The following SNTG1 variants were observed in gnomAD, a reference collection of about 807,000 sequenced individuals.
SNTG1 encodes syntrophin gamma 1.
In SNTG1, 39 loss-of-function variants were observed where a neutral mutation model predicts 74.7. The ratio of observed to expected loss-of-function variants is 0.52; its 90% CI spans 0.40 to 0.68. SNTG1 has a LOEUF of 0.68. Ranked by LOEUF, SNTG1 falls within the 30% of genes least tolerant of loss-of-function variation. The pLI is 0.00. For synonymous variants in SNTG1, 254 were observed against 217.1 expected, an observed-to-expected ratio of 1.17 and a Z score of -1.49; for missense variants, 685 against 609.5, an observed-to-expected ratio of 1.12 and a Z score of -1.30.
Position 50,148,102 on chromosome 8 carries a change from G to A in SNTG1, c.-102-24459G>A, listed in dbSNP as rs370915068. On this transcript the variant is annotated intron_variant, in intron 1 of 18. Coordinates refer to ENST00000642720, the MANE Select transcript of SNTG1 (RefSeq NM_018967.5). Reference sequence around the variant, plus strand: ...TGAGCAAAAATATGCGTAACATAGCGTGTGTGTGTATACATAGATATATAT... The same window carrying A: ...TGAGCAAAAATATGCGTAACATAGCATGTGTGTGTATACATAGATATATAT... Among the ~76,000 whole-genome samples the A allele has an allele frequency of 5.9e-5, 9 of 152,056 alleles. 1 individual carries two copies. The South Asian group carries it at 1.9e-3, about 32-fold the overall frequency.
intron 1 of SNTG1, among the ~76,000 whole-genome samples, chr8:50,106,694 A>G (rs1282818232): frequency 1.3e-5 from 2 of 152,064 alleles, no homozygotes; most frequent in Non-Finnish European, 2.9e-5. Flanking sequence ...AGTTTTCTTT[A>G]TGTGATATGA....
chr8:50,788,114 T>C (rs1008797142), intron 18 of SNTG1, among the ~76,000 whole-genome samples: 1 of 152,018 alleles, frequency 6.6e-6, no homozygotes, highest in Non-Finnish European at 1.5e-5. Flanking sequence ...ATAATGGCAT[T>C]AACAAGAAAT....
intron 2 of SNTG1, among the ~76,000 whole-genome samples, chr8:50,219,142 C>T (rs2084935932): frequency 1.3e-5 from 2 of 152,188 alleles, no homozygotes; most frequent in Non-Finnish European, 2.9e-5. Context: ...AGGAGGAAAA[C>T]AGCTTTAATA....
chr8:50,088,092 C>T (rs2131133124), intron 1 of SNTG1, among the ~76,000 whole-genome samples: 1 of 150,504 alleles, frequency 6.6e-6, no homozygotes, highest in Non-Finnish European at 1.5e-5. Flanking sequence ...TCATCCATGT[C>T]CCTACAAAGG....
At chr8:50,448,592 T>C (rs1383426771) in intron 5 of SNTG1, among the ~76,000 whole-genome samples, 3 of 152,210 alleles carry the variant, frequency 2.0e-5, no homozygotes, top group African/African-American at 7.2e-5. Flanking sequence ...ACTGATTTCA[T>C]TTCTCTACTA....
intron 8 of SNTG1, among the ~76,000 whole-genome samples, chr8:50,490,239 G>A (rs976628003): frequency 5.9e-5 from 9 of 152,112 alleles, no homozygotes; most frequent in African/African-American, 9.7e-5. Context: ...GCTCAGGATC[G>A]CTTTGGCTAT....
chr8:50,310,940 C>T (rs1017173546), intron 2 of SNTG1, among the ~76,000 whole-genome samples: 48 of 152,078 alleles, frequency 3.2e-4, no homozygotes, highest in Admixed American at 3.1e-3. Flanking sequence ...CGTTCAATTG[C>T]CACCTCCTGC....
chr8:50,031,057 A>G (rs1179663086), intron 1 of SNTG1, among the ~76,000 whole-genome samples: 5 of 151,966 alleles, frequency 3.3e-5, no homozygotes. Context: ...GAATTTTATT[A>G]GATGTATACT....
Position 50,030,929 on chromosome 8 carries a change from G to T in SNTG1, c.-103+118698G>T, listed in dbSNP as rs536612943. ...TTAAACCTGTATACACATTTGTAGAGAATTGACATATTTACTATGTTGAGT... is the reference window on the plus strand; with the variant it reads ...TTAAACCTGTATACACATTTGTAGATAATTGACATATTTACTATGTTGAGT... On this transcript the variant is annotated intron_variant, in intron 1 of 18. Transcript: ENST00000642720. Among the ~76,000 whole-genome samples, 4 of 152,024 alleles carry T rather than the reference G, an allele frequency of 2.6e-5. No homozygotes were observed. The East Asian group carries it at 7.7e-4, about 29-fold the overall frequency.
At chr8:50,561,927 T>C (rs2094490617) in intron 12 of SNTG1, among the ~76,000 whole-genome samples, 3 of 152,186 alleles carry the variant, frequency 2.0e-5, no homozygotes, top group African/African-American at 7.2e-5. Flanking sequence ...ACCTTTCAGC[T>C]TTCCTCACTG....
intron 1 of SNTG1, among the ~76,000 whole-genome samples, chr8:49,923,201 G>T (rs1041803460): frequency 1.3e-5 from 2 of 151,994 alleles, no homozygotes; most frequent in African/African-American, 4.8e-5. Flanking sequence ...TCATGCTTAC[G>T]AATGGATAAA....
At chr8:50,450,637 A>C in intron 7 of SNTG1, 38 bp downstream of exon 7, 5 of 1,613,366 alleles carry the variant, frequency 3.1e-6, no homozygotes, top group Non-Finnish European at 4.2e-6. Context: ...TCAAAACATT[A>C]ACTCAATTTA....
intron 15 of SNTG1, among the ~76,000 whole-genome samples, chr8:50,698,311 AT>A (rs1393245842): frequency 6.6e-6 from 1 of 151,952 alleles, no homozygotes; most frequent in East Asian, 1.9e-4. Flanking sequence ...TCATGCCCCC[AT>A]TTTTGGTGGG....
intron 12 of SNTG1, among the ~76,000 whole-genome samples, chr8:50,562,295 G>T (rs113362013): frequency 1.3e-5 from 2 of 152,296 alleles, no homozygotes; most frequent in African/African-American, 4.8e-5. Flanking sequence ...TTGCTAATCA[G>T]CTGGCCTTAA....
Position 50,266,947 on chromosome 8 carries a change from A to G in SNTG1, c.-28+94312A>G, listed in dbSNP as rs141579270. 7.7e-3 allele frequency among the ~76,000 whole-genome samples: 1,175 copies of G among 151,994 alleles called. 17 individuals are homozygous for G. Among genetic ancestry groups the G allele is most frequent in the African/African-American group, 0.027 (1,112 of 41,502 alleles). ...TCTGTGTAGGAACGTTAACAAGATC[A>G]CCACGCCCCAGAGAAGCTGTCTGTA... is the stretch of plus-strand genomic sequence containing the variant. On this transcript the variant is annotated intron_variant, in intron 2 of 18. Coordinates refer to ENST00000642720, the MANE Select transcript of SNTG1 (RefSeq NM_018967.5).
intron 2 of SNTG1, among the ~76,000 whole-genome samples, chr8:50,230,640 A>G (rs925657772): frequency 1.3e-5 from 2 of 151,370 alleles, no homozygotes; most frequent in Non-Finnish European, 3.0e-5. Flanking sequence ...GAGCAAAAAT[A>G]CAATGGGAAA....
intron 11 of SNTG1, among the ~76,000 whole-genome samples, chr8:50,550,594 G>T (rs1294008317): frequency 6.6e-6 from 1 of 151,990 alleles, no homozygotes; most frequent in East Asian, 1.9e-4. Flanking sequence ...CAGTTACCAA[G>T]AATCTTTAGA....
chr8:50,676,802 TA>T (rs2095311255), intron 15 of SNTG1, among the ~76,000 whole-genome samples: 1 of 152,012 alleles, frequency 6.6e-6, no homozygotes, highest in East Asian at 1.9e-4. Context: ...TTCTTTTGTT[TA>T]AAAAGTTATA....
chr8:50,204,744 G>GTCATGT (rs2084136334), intron 2 of SNTG1, among the ~76,000 whole-genome samples: 2 of 151,628 alleles, frequency 1.3e-5, no homozygotes, highest in Non-Finnish European at 2.9e-5. Flanking sequence ...GACAGGCCCC[G>GTCATGT]GTGTGTGATG....
Sources: allele counts gnomAD v4.1 joint callset (sites outside exome capture counted in the v4.1 genomes callset), GRCh38; gene constraint gnomAD v4.1.1; transcripts MANE v1.5; gene names NCBI Gene and HGNC (gene_info 2026-07-23, HGNC 2026-07-21).